Variants in MTRF1 observed in about 807,000 individuals in gnomAD.
The protein encoded by MTRF1 is peptide chain release factor 1, mitochondrial.
Under a neutral mutation model 62.9 loss-of-function variants are expected in MTRF1, and 51 were observed. The observed-to-expected ratio is 0.81, with a 90% CI of 0.65 to 1.02. The LOEUF (loss-of-function observed/expected upper bound fraction) is 1.02. Among genes scored for constraint, MTRF1 ranks in the 50% least tolerant of loss-of-function variants. MTRF1 has a pLI of 0.00. For missense variants in MTRF1, 446 were observed against 530.0 expected (o/e 0.84, Z 1.56); for synonymous variants, 158 against 181.9 (o/e 0.87, Z 1.06).
the MTRF1 span, among the ~76,000 whole-genome samples, chr13:41,303,962 C>T: frequency 3.3e-5 from 5 of 152,120 alleles, no homozygotes; most frequent in Non-Finnish European, 5.9e-5. Flanking sequence ...GCGCGTTCCT[C>T]CTCTTACTTT....
rs201627475 is a variant in MTRF1 at position 41,240,288 on chromosome 13, C to G, written c.843G>C (p.Ser281=). 20 of 1,610,426 alleles carry G rather than the reference C, an allele frequency of 1.2e-5. No homozygotes were observed. Among genetic ancestry groups the G allele is most frequent in the Non-Finnish European group, 1.7e-5 (20 of 1,178,378 alleles). ...RMQRIHTGTM[S]VIVLPQPDEV... is the part of the protein sequence containing the mutation. ...CATCTGGCTGAGGAAGGACAATAACCGACATCGTTCCTGTGTGAATGCGCT... is the reference window on the plus strand; with the variant it reads ...CATCTGGCTGAGGAAGGACAATAACGGACATCGTTCCTGTGTGAATGCGCT... Residue 281 remains serine, a synonymous_variant, in exon 6 of 10, where the codon TCG becomes TCC. Transcript: ENST00000379480.
At chr13:41,271,134 T>C in the MTRF1 span, among the ~76,000 whole-genome samples, 1 of 151,710 alleles carries the variant, frequency 6.6e-6, no homozygotes, top group Admixed American at 6.6e-5. Context: ...ATGAGATAAA[T>C]ACAAATTCAC....
At chr13:41,247,523 C>T (rs2038425593) in intron 5 of MTRF1, among the ~76,000 whole-genome samples, 1 of 152,140 alleles carries the variant, frequency 6.6e-6, no homozygotes, top group Non-Finnish European at 1.5e-5. Context: ...CATCATTTCT[C>T]CAGGATCCAC....
rs201206720 is a variant in MTRF1, at chr13:41,235,127, G to A, written c.871-1120C>T. 8 of 147,590 alleles carry A rather than the reference G, an allele frequency of 5.4e-5. No individual in the cohort carries two copies. In the East Asian group the frequency reaches 1.6e-3, roughly 29 times the overall value. The allele number at this position is 147,590 out of a possible 1,614,324, so 9.1% of individuals were successfully genotyped here. A position where few individuals can be genotyped will look rare whatever the true frequency, so the allele number is the denominator to read the frequency against. ...TTTTTTTGAGACAGGGTCTCACTCT[G>A]TTCCCCAGGCTGGAGTGCAATGGTG... On this transcript the variant is annotated intron_variant, in intron 6 of 9. Coordinates refer to ENST00000379480, the MANE Select transcript of MTRF1 (RefSeq NM_004294.4).
At chr13:41,298,916 A>G in the MTRF1 span, among the ~76,000 whole-genome samples, 8 of 152,238 alleles carry the variant, frequency 5.3e-5, no homozygotes, top group Admixed American at 5.2e-4. Flanking sequence ...GAGGAGGCTC[A>G]CACCTGTAAT....
chr13:41,225,562 T>A (rs2034250929), intron 8 of MTRF1, among the ~76,000 whole-genome samples: 1 of 152,140 alleles, frequency 6.6e-6, no homozygotes, highest in Admixed American at 6.5e-5. Flanking sequence ...GTGAAAAAGC[T>A]AGGATACATC....
the MTRF1 span, chr13:41,287,857 G>C: frequency 3.0e-6 from 1 of 327,902 alleles, no homozygotes; most frequent in Admixed American, 4.2e-5. Flanking sequence ...AAGCACTTCA[G>C]GTATTTTAAA....
At chr13:41,281,661 T>C in the MTRF1 span, among the ~76,000 whole-genome samples, 14 of 152,214 alleles carry the variant, frequency 9.2e-5, 1 homozygote, top group Admixed American at 5.2e-4. Flanking sequence ...CATCTCTGCA[T>C]TGTTGCAGTA....
rs139080050 is a variant in MTRF1, at chr13:41,234,508, G to T, written c.871-501C>A. On this transcript the variant is annotated intron_variant, in intron 6 of 9. Coordinates refer to ENST00000379480, the MANE Select transcript of MTRF1 (RefSeq NM_004294.4). ...GATTCCATTTTTAAGCACTGATTTA[G>T]GATGTTATGAGATCACTGAGTTTTC... is the stretch of plus-strand genomic sequence containing the variant. 4.4e-4 allele frequency among the ~76,000 whole-genome samples: 67 copies of T among 152,128 alleles called. 1 individual carries two copies. The East Asian group carries it at 0.012, about 27-fold the overall frequency.
chr13:41,263,835 G>C (rs564081664), upstream of MTRF1, among the ~76,000 whole-genome samples: 1 of 152,220 alleles, frequency 6.6e-6, no homozygotes, highest in South Asian at 2.1e-4. Flanking sequence ...GGGCCAAGGT[G>C]GGACTAAACT....
At chr13:41,296,819 G>A in the MTRF1 span, among the ~76,000 whole-genome samples, 1 of 151,770 alleles carries the variant, frequency 6.6e-6, no homozygotes, top group Non-Finnish European at 1.5e-5. Context: ...CATAATTCTG[G>A]TTGCATCTAC....
intron 7 of MTRF1, among the ~76,000 whole-genome samples, chr13:41,233,200 G>C (rs925508837): frequency 7.2e-5 from 11 of 152,044 alleles, no homozygotes; most frequent in Non-Finnish European, 1.3e-4. Flanking sequence ...AGCTAAAAGA[G>C]GTTCATTTGT....
At chr13:41,268,847 C>CT in the MTRF1 span, among the ~76,000 whole-genome samples, 1 of 151,932 alleles carries the variant, frequency 6.6e-6, no homozygotes, top group Admixed American at 6.5e-5. Flanking sequence ...TAAGTGTTTT[C>CT]TTTTTTTACA....
chr13:41,290,694 G>A, the MTRF1 span, among the ~76,000 whole-genome samples: 1 of 151,694 alleles, frequency 6.6e-6, no homozygotes, highest in Non-Finnish European at 1.5e-5. Context: ...TGCTTGGCCT[G>A]TAATGGTTCT....
the MTRF1 span, among the ~76,000 whole-genome samples, chr13:41,269,478 A>G: frequency 2.0e-5 from 3 of 151,946 alleles, no homozygotes; most frequent in East Asian, 5.8e-4. Context: ...GATTACAGGA[A>G]TGAGCAACCA....
chr13:41,220,396 T>G, intron 9 of MTRF1: 1 of 248,502 alleles, frequency 4.0e-6, no homozygotes, highest in Non-Finnish European at 8.0e-6. Context: ...AAATTTCCAG[T>G]GTAACTGGAA....
the MTRF1 span, among the ~76,000 whole-genome samples, chr13:41,308,578 C>T: frequency 2.0e-5 from 3 of 152,288 alleles, no homozygotes; most frequent in East Asian, 5.8e-4. Context: ...GCTCAGTTCT[C>T]CGGGTGGGGG....
At chr13:41,257,641 T>TA (rs1185372800) in intron 2 of MTRF1, 14 of 214,378 alleles carry the variant, frequency 6.5e-5, no homozygotes, top group East Asian at 3.2e-4. Flanking sequence ...TTACTAAAAA[T>TA]AAAAAAAATA....
chr13:41,242,750 G>A (rs1314504800), intron 5 of MTRF1, among the ~76,000 whole-genome samples: 1 of 152,110 alleles, frequency 6.6e-6, no homozygotes, highest in African/African-American at 2.4e-5. Context: ...GACAGAGATA[G>A]TGTCTCTTTC....
Sources: gnomAD v4.1 joint callset for allele counts (sites outside exome capture counted in the v4.1 genomes callset) on GRCh38, gnomAD v4.1.1 for gene constraint, MANE v1.5 for transcripts, NCBI Gene and HGNC (gene_info 2026-07-23, HGNC 2026-07-21) for gene names.